ZNF652: variants seen among roughly 807,000 people sequenced by gnomAD.
ZNF652 encodes the protein zinc finger protein 652.
A neutral mutation model predicts 45.2 loss-of-function variants in ZNF652; 16 were observed. That is an observed-to-expected ratio of 0.35 (90% CI 0.24 to 0.54). The LOEUF is 0.54. Ranked by LOEUF, ZNF652 falls within the 20% of genes least tolerant of loss-of-function variation. The probability of loss-of-function intolerance (pLI) is 0.91; values close to 1 mark genes in which losing one functional copy is unlikely to be tolerated. For synonymous variants in ZNF652, 250 were observed against 260.6 expected (o/e 0.96, Z 0.39); for missense variants, 614 against 765.6 (o/e 0.80, Z 2.34).
intron 1 of ZNF652, among the ~76,000 whole-genome samples, chr17:49,345,203 CTT>C (rs796601844): frequency 2.3e-4 from 30 of 130,842 alleles, no homozygotes; most frequent in Admixed American, 3.9e-4. Context: ...CTAGATTTTT[CTT>C]TTTTTTTTTT....
intron 5 of ZNF652, among the ~76,000 whole-genome samples, chr17:49,306,166 G>A (rs1411744247): frequency 6.6e-6 from 1 of 152,136 alleles, no homozygotes; most frequent in Non-Finnish European, 1.5e-5. Flanking sequence ...TTCCAGTTTG[G>A]ACACTCTGAA....
intron 1 of ZNF652, among the ~76,000 whole-genome samples, chr17:49,320,130 C>T (rs1370255337): frequency 1.3e-5 from 2 of 152,034 alleles, no homozygotes; most frequent in African/African-American, 4.8e-5. Context: ...CCCTCATGCT[C>T]CCAATAGTTA....
chr17:49,313,638 T>C (rs946485339), intron 2 of ZNF652, among the ~76,000 whole-genome samples: 34 of 151,950 alleles, frequency 2.2e-4, no homozygotes, highest in Admixed American at 1.2e-3. Context: ...GTATAGGTAT[T>C]ATAGGTATGT....
At chr17:49,329,862 T>C (rs1398385160) in intron 1 of ZNF652, among the ~76,000 whole-genome samples, 2 of 152,212 alleles carry the variant, frequency 1.3e-5, no homozygotes, top group East Asian at 1.9e-4. Flanking sequence ...TACATTTCCA[T>C]ATAAGATAAT....
intron 1 of ZNF652, among the ~76,000 whole-genome samples, chr17:49,326,854 G>A (rs1031868679): frequency 3.3e-5 from 5 of 152,144 alleles, no homozygotes; most frequent in Non-Finnish European, 5.9e-5. Flanking sequence ...GAAGAGCAAC[G>A]TCTGGACCCA....
chr17:49,319,819 A>G (rs958384238), intron 1 of ZNF652, among the ~76,000 whole-genome samples: 1 of 151,756 alleles, frequency 6.6e-6, no homozygotes. Flanking sequence ...TTTTCAAAAA[A>G]ATTTTTAGAG....
At chr17:49,289,047 G>A (rs1312592564), downstream of ZNF652, among the ~76,000 whole-genome samples, 2 of 152,166 alleles carry the variant, frequency 1.3e-5, no homozygotes, top group Non-Finnish European at 2.9e-5. Flanking sequence ...AGGGTTTGAG[G>A]TAGGTCAGCC....
chr17:49,348,098 A>C (rs1477623145), intron 1 of ZNF652, among the ~76,000 whole-genome samples: 6 of 152,156 alleles, frequency 3.9e-5, no homozygotes, highest in African/African-American at 9.7e-5. Flanking sequence ...ACAGGAAATA[A>C]AAGGGACTGA....
In ZNF652 at chr17:49,298,862, T is replaced by G. The variant is rs191956271; in HGVS notation, c.1372A>C (p.Arg458=). ...KSFTSRPNMK[R]HRRTHTGEKP... ...TCGCCTGTGTGAGTTCTGCGGTGTC[T>G]CTTCATGTTGGGGCGGCTGGTGAAG... is the stretch of plus-strand genomic sequence containing the variant. Residue 458 remains arginine, a synonymous_variant, in exon 6 of 6, where the codon AGA becomes CGA. Transcript: ENST00000430262. The G allele has an allele frequency of 2.6e-4, 422 of 1,613,850 alleles. 1 individual carries two copies. The highest frequency in any genetic ancestry group is 2.2e-4 in the Non-Finnish European group (263 of 1,179,948).
chr17:49,328,259 T>A (rs2069987388), intron 1 of ZNF652, among the ~76,000 whole-genome samples: 1 of 152,076 alleles, frequency 6.6e-6, no homozygotes, highest in Admixed American at 6.6e-5. Context: ...AAGCTGGGGC[T>A]GGTCTTGAAG....
Position 49,297,190 on chromosome 17 carries a change from T to C in ZNF652, c.*1223A>G, listed in dbSNP as rs1332728526. 6.6e-6 allele frequency: 1 copy of C among 152,354 alleles called. No individual in the cohort carries two copies. The highest frequency in any genetic ancestry group is 1.5e-5 in the Non-Finnish European group (1 of 68,038). The allele number at this position is 152,354 out of a possible 1,614,324, so 9.4% of individuals were successfully genotyped here. ...TTCTCAGCCACTATCAGCAATGTCA[T>C]GTTTGTGATTTTAAGTTTACTATTT... On this transcript the variant is annotated 3_prime_UTR_variant, in exon 6 of 6. Coordinates refer to ENST00000430262, the MANE Select transcript of ZNF652 (RefSeq NM_001145365.3).
At chr17:49,334,346 T>G (rs560605701) in intron 1 of ZNF652, among the ~76,000 whole-genome samples, 2 of 152,162 alleles carry the variant, frequency 1.3e-5, no homozygotes, top group East Asian at 3.9e-4. Flanking sequence ...TAGCTGGGTG[T>G]AGCGGTGCAC....
At chr17:49,315,130 C>T (rs1193153630) in intron 2 of ZNF652, among the ~76,000 whole-genome samples, 2 of 151,620 alleles carry the variant, frequency 1.3e-5, no homozygotes, top group Admixed American at 6.6e-5. Context: ...CAACCTCCGC[C>T]TCCCAGGTTC....
intron 1 of ZNF652, among the ~76,000 whole-genome samples, chr17:49,335,993 C>T (rs532136661): frequency 6.6e-6 from 1 of 152,094 alleles, no homozygotes; most frequent in East Asian, 1.9e-4. Context: ...ATCCATGAAG[C>T]CTAAGACCTG....
rs2069457851 is a variant in ZNF652, at chr17:49,295,332, AG to A, written c.*3080del. Reference sequence around the variant, plus strand: ...AAGTCAAGGAAAGTATCCTTAATCTAGGGGAAAAAAAGGAAGTTTCTAAATT... The same window carrying A: ...AAGTCAAGGAAAGTATCCTTAATCTAGGGAAAAAAAGGAAGTTTCTAAATT... On this transcript the variant is annotated 3_prime_UTR_variant, in exon 6 of 6. Transcript: ENST00000430262. The A allele has an allele frequency of 6.6e-6, 1 of 151,776 alleles. No homozygotes were observed. The highest frequency in any genetic ancestry group is 6.6e-5 in the Admixed American group (1 of 15,236). 9.4% of individuals were successfully genotyped at this position (151,776 alleles called of 1,614,324 possible).
intron 1 of ZNF652, among the ~76,000 whole-genome samples, chr17:49,344,196 G>C (rs930951852): frequency 8.3e-6 from 1 of 119,978 alleles, no homozygotes; most frequent in Non-Finnish European, 1.9e-5. Flanking sequence ...GCGAGACTCC[G>C]TTTCAAAAAA....
intron 2 of ZNF652, among the ~76,000 whole-genome samples, chr17:49,315,031 G>C (rs1419867254): frequency 7.1e-6 from 1 of 140,644 alleles, no homozygotes; most frequent in Non-Finnish European, 1.5e-5. Flanking sequence ...CTTAGGGGAG[G>C]GTTTTAGTTT....
At chr17:49,359,846 TCA>T (rs1160810299) in intron 1 of ZNF652, among the ~76,000 whole-genome samples, 2 of 151,916 alleles carry the variant, frequency 1.3e-5, no homozygotes, top group East Asian at 1.9e-4. Context: ...AGACATGAAA[TCA>T]CAGTTAACAA....
chr17:49,290,364 T>C lies in ZNF652; in HGVS notation c.*8049A>G, dbSNP rs1449869270. The C allele has an allele frequency of 1.3e-5, 2 of 152,086 alleles. No individual in the cohort carries two copies. The highest frequency in any genetic ancestry group is 2.9e-5 in the Non-Finnish European group (2 of 68,040). The allele number at this position is 152,086 out of a possible 1,614,324, so 9.4% of individuals were successfully genotyped here. A position where few individuals can be genotyped will look rare whatever the true frequency, so the allele number is the denominator to read the frequency against. On this transcript the variant is annotated 3_prime_UTR_variant, in exon 6 of 6. Transcript: ENST00000430262. ...GCTGATGACCACGGATAGGAGCCCT[T>C]AGACAAGTAACTGACAGAGAGGGAG...
Sources: allele counts gnomAD v4.1 joint callset (sites outside exome capture counted in the v4.1 genomes callset), GRCh38; gene constraint gnomAD v4.1.1; transcripts MANE v1.5; gene names NCBI Gene and HGNC (gene_info 2026-07-23, HGNC 2026-07-21).